The following EPHB1 variants were observed in gnomAD, a reference collection of about 807,000 sequenced individuals.
EPHB1 encodes the protein EPH receptor B1, also known as ephrin type-B receptor 1.
Under a neutral mutation model 94.4 loss-of-function variants are expected in EPHB1, and 30 were observed. The observed-to-expected ratio is 0.32, with a 90% CI of 0.24 to 0.43. EPHB1 has a LOEUF of 0.43. Among genes scored for constraint, EPHB1 ranks in the 20% least tolerant of loss-of-function variants. The probability of loss-of-function intolerance (pLI) is 1.00; values close to 1 mark genes in which losing one functional copy is unlikely to be tolerated. For synonymous variants in EPHB1, 522 were observed against 489.1 expected (o/e 1.07, Z -0.89); for missense variants, 1,055 against 1,308.3 (o/e 0.81, Z 2.99).
intron 3 of EPHB1, among the ~76,000 whole-genome samples, chr3:135,013,760 C>T (rs1223886317): frequency 6.6e-6 from 1 of 152,222 alleles, no homozygotes; most frequent in Non-Finnish European, 1.5e-5. Flanking sequence ...ACAACTGCAA[C>T]AGTGTTTCCT....
At chr3:134,906,966 C>T (rs1373986429) in intron 1 of EPHB1, among the ~76,000 whole-genome samples, 1 of 152,122 alleles carries the variant, frequency 6.6e-6, no homozygotes, top group Admixed American at 6.5e-5. Context: ...TAAGATAATG[C>T]CTGTGAAAAT....
At chr3:135,162,281 C>A in intron 7 of EPHB1, 101 bp downstream of exon 7, 1 of 1,305,102 alleles carries the variant, frequency 7.7e-7, no homozygotes, top group Admixed American at 2.7e-5. Flanking sequence ...TGATCTCCAA[C>A]TGGATTCCAG....
intron 12 of EPHB1, among the ~76,000 whole-genome samples, chr3:135,216,325 C>A (rs745738714): frequency 6.6e-6 from 1 of 152,138 alleles, no homozygotes; most frequent in Non-Finnish European, 1.5e-5. Context: ...CTCCCCTCAT[C>A]CATCAACTCT....
chr3:135,190,496 A>G (rs2107709030), intron 10 of EPHB1, among the ~76,000 whole-genome samples: 1 of 152,334 alleles, frequency 6.6e-6, no homozygotes, highest in East Asian at 1.9e-4. Flanking sequence ...CTACGTATCT[A>G]CATGCATACA....
chr3:135,134,620 G>A (rs145253608), intron 5 of EPHB1, among the ~76,000 whole-genome samples: 140 of 152,346 alleles, frequency 9.2e-4, no homozygotes, highest in African/African-American at 3.2e-3. Context: ...TGTTGGTGCC[G>A]TAGAGACAAA....
At chr3:134,799,544 T>C (rs1248461116) in intron 1 of EPHB1, among the ~76,000 whole-genome samples, 1 of 152,224 alleles carries the variant, frequency 6.6e-6, no homozygotes, top group East Asian at 1.9e-4. Flanking sequence ...CTCTGGGCAA[T>C]GGCTTGGGAA....
intron 8 of EPHB1, 58 bp downstream of exon 8, chr3:135,166,134 C>A: frequency 7.4e-7 from 1 of 1,343,214 alleles, no homozygotes; most frequent in South Asian, 1.2e-5. Context: ...CTCCATGTGC[C>A]GTTTCCCAGG....
intron 13 of EPHB1, among the ~76,000 whole-genome samples, chr3:135,246,586 T>C (rs1287771700): frequency 4.6e-5 from 7 of 152,172 alleles, no homozygotes; most frequent in Admixed American, 4.6e-4. Context: ...GCCCTATCTT[T>C]TGCTAGATGT....
chr3:134,900,672 A>G (rs2038181237), intron 1 of EPHB1, among the ~76,000 whole-genome samples: 1 of 152,010 alleles, frequency 6.6e-6, no homozygotes, highest in Non-Finnish European at 1.5e-5. Flanking sequence ...TGTGGTGTGC[A>G]TTTGTGTGTG....
intron 12 of EPHB1, among the ~76,000 whole-genome samples, chr3:135,204,471 G>T (rs1576467240): frequency 6.6e-6 from 1 of 151,996 alleles, no homozygotes; most frequent in Admixed American, 6.5e-5. Flanking sequence ...CTCCCAAAGT[G>T]CTGGGATTAC....
chr3:135,166,608 C>G (rs1941659604), intron 8 of EPHB1, among the ~76,000 whole-genome samples: 1 of 152,246 alleles, frequency 6.6e-6, no homozygotes. Flanking sequence ...GTAGTTGGCT[C>G]CCTCCCAAGC....
chr3:135,153,562 C>A (rs1941259022), intron 5 of EPHB1, among the ~76,000 whole-genome samples: 1 of 152,176 alleles, frequency 6.6e-6, no homozygotes, highest in African/African-American at 2.4e-5. Context: ...TCTGACCATA[C>A]CTCTGTTGTT....
chr3:135,181,611 A>C (rs1235110000), intron 10 of EPHB1, among the ~76,000 whole-genome samples: 1 of 152,062 alleles, frequency 6.6e-6, no homozygotes, highest in African/African-American at 2.4e-5. Context: ...GTTGTTATTT[A>C]TGTCATGTGC....
At chr3:134,974,922 T>C (rs1355697195) in intron 3 of EPHB1, among the ~76,000 whole-genome samples, 2 of 152,146 alleles carry the variant, frequency 1.3e-5, no homozygotes, top group East Asian at 1.9e-4. Flanking sequence ...CCTGCCCTTC[T>C]TCCTTCTCTG....
At chr3:134,810,829 C>T (rs1007978714) in intron 1 of EPHB1, among the ~76,000 whole-genome samples, 1 of 152,144 alleles carries the variant, frequency 6.6e-6, no homozygotes, top group African/African-American at 2.4e-5. Flanking sequence ...CTCTGCTAGG[C>T]TTGAGTGTGC....
At chr3:134,857,836 G>A (rs1560267198) in intron 1 of EPHB1, among the ~76,000 whole-genome samples, 2 of 152,318 alleles carry the variant, frequency 1.3e-5, no homozygotes, top group African/African-American at 2.4e-5. Flanking sequence ...TACAGGGAGA[G>A]GGATGTGCTA....
intron 1 of EPHB1, among the ~76,000 whole-genome samples, chr3:134,869,586 A>G (rs1449516824): frequency 1.3e-5 from 2 of 152,224 alleles, no homozygotes; most frequent in Non-Finnish European, 2.9e-5. Flanking sequence ...AGCTCTGGTC[A>G]TCTGAAACAC....
At chr3:134,960,908 C>T (rs1384627044) in intron 3 of EPHB1, among the ~76,000 whole-genome samples, 2 of 133,556 alleles carry the variant, frequency 1.5e-5, no homozygotes, top group Non-Finnish European at 3.2e-5. Context: ...TACTCAGCTT[C>T]AGGGTCTCTA....
chr3:134,876,093 G>T (rs1032756149), intron 1 of EPHB1, among the ~76,000 whole-genome samples: 1 of 152,140 alleles, frequency 6.6e-6, no homozygotes, highest in African/African-American at 2.4e-5. Flanking sequence ...TGTGGTCTAG[G>T]GCTCCTCAGT....
Sources: gnomAD v4.1 joint callset for allele counts (sites outside exome capture counted in the v4.1 genomes callset) on GRCh38, gnomAD v4.1.1 for gene constraint, MANE v1.5 for transcripts, NCBI Gene and HGNC (gene_info 2026-07-23, HGNC 2026-07-21) for gene names.